Variants in EPB41L4A observed in about 807,000 individuals in gnomAD.
EPB41L4A encodes the protein band 4.1-like protein 4A.
A neutral mutation model predicts 108.6 loss-of-function variants in EPB41L4A; 100 were observed. That is an observed-to-expected ratio of 0.92 (90% CI 0.78 to 1.09). EPB41L4A has a LOEUF of 1.09. EPB41L4A is among the 50% of genes least tolerant of loss of function. EPB41L4A has a pLI of 0.00. For synonymous variants in EPB41L4A, 319 were observed against 289.0 expected (o/e 1.10, Z -1.05); for missense variants, 1,030 against 842.7 (o/e 1.22, Z -2.75).
chr5:112,203,760 G>A (rs919782181), intron 15 of EPB41L4A, among the ~76,000 whole-genome samples: 5 of 150,754 alleles, frequency 3.3e-5, no homozygotes, highest in African/African-American at 7.3e-5. Flanking sequence ...ATACTATCTC[G>A]TCTGGGCGCA....
At chr5:112,161,541 G>A (rs1271979698), downstream of EPB41L4A, 1 of 519,232 alleles carries the variant, frequency 1.9e-6, no homozygotes. Flanking sequence ...CAAAAAAGGC[G>A]TAAATTAAAC....
chr5:112,352,980 T>A (rs1336384554), intron 1 of EPB41L4A, among the ~76,000 whole-genome samples: 1 of 152,158 alleles, frequency 6.6e-6, no homozygotes, highest in Non-Finnish European at 1.5e-5. Flanking sequence ...TAGGGAAGGC[T>A]TTTTTCCTAC....
chr5:112,399,593 C>CAT (rs1373962987), intron 1 of EPB41L4A, among the ~76,000 whole-genome samples: 1 of 152,226 alleles, frequency 6.6e-6, no homozygotes, highest in African/African-American at 2.4e-5. Flanking sequence ...CATCACCACA[C>CAT]ATAACACTTT....
At chr5:112,387,258 G>A (rs773225816) in intron 1 of EPB41L4A, among the ~76,000 whole-genome samples, 14 of 152,130 alleles carry the variant, frequency 9.2e-5, no homozygotes, top group African/African-American at 2.4e-4. Flanking sequence ...CTGCCCTCCC[G>A]GACCCTGTGC....
At chr5:112,391,603 G>C (rs918906955) in intron 1 of EPB41L4A, among the ~76,000 whole-genome samples, 2 of 152,198 alleles carry the variant, frequency 1.3e-5, no homozygotes, top group African/African-American at 2.4e-5. Flanking sequence ...ATCTACGTCT[G>C]ATTGGTATAC....
At chr5:112,290,477 A>G (rs1753574551) in intron 2 of EPB41L4A, among the ~76,000 whole-genome samples, 1 of 152,210 alleles carries the variant, frequency 6.6e-6, no homozygotes, top group Non-Finnish European at 1.5e-5. Context: ...ACATGGTTTT[A>G]GGGATCACAG....
At position 112,386,816 on chromosome 5, in the gene EPB41L4A, G is replaced by A. The variant is rs531970367; in HGVS notation, c.99+32125C>T. Among the ~76,000 whole-genome samples the A allele has an allele frequency of 5.9e-5, 9 of 152,280 alleles. No individual in the cohort carries two copies. The South Asian group carries it at 8.3e-4, about 14-fold the overall frequency. On this transcript the variant is annotated intron_variant, in intron 1 of 22. Transcript: ENST00000261486. ...GACTGAATAGATGGAAAGGCACAAC[G>A]GGAATAGAAAGTGATTCTCCAGCAA...
chr5:112,369,579 T>C (rs754839122), intron 1 of EPB41L4A, among the ~76,000 whole-genome samples: 8 of 152,228 alleles, frequency 5.3e-5, no homozygotes, highest in Non-Finnish European at 1.2e-4. Context: ...CCATGCACTA[T>C]GCTGGTTATT....
At chr5:112,350,097 G>A (rs143829099) in intron 1 of EPB41L4A, among the ~76,000 whole-genome samples, 4 of 152,124 alleles carry the variant, frequency 2.6e-5, no homozygotes, top group African/African-American at 9.7e-5. Flanking sequence ...TGTCTACAGA[G>A]TACTTGAAAA....
intron 22 of EPB41L4A, 113 bp from the exon 23 acceptor site, chr5:112,165,231 A>C: frequency 1.3e-6 from 1 of 754,262 alleles, no homozygotes; most frequent in Admixed American, 2.6e-5. Context: ...AGTTAATTCA[A>C]AAGTTTCATA....
intron 1 of EPB41L4A, among the ~76,000 whole-genome samples, chr5:112,396,508 A>G (rs1761360017): frequency 6.6e-6 from 1 of 152,234 alleles, no homozygotes; most frequent in South Asian, 2.1e-4. Context: ...ACAGCATCCA[A>G]GAGTCAGAAC....
intron 12 of EPB41L4A, among the ~76,000 whole-genome samples, chr5:112,217,529 C>T (rs181312578): frequency 2.3e-3 from 347 of 152,132 alleles, no homozygotes; most frequent in African/African-American, 8.2e-3. Flanking sequence ...TGAGACCTAT[C>T]TCTACAAAAA....
downstream of EPB41L4A, chr5:112,162,389 G>T (rs1178304316): frequency 6.6e-6 from 1 of 152,124 alleles, no homozygotes; most frequent in African/African-American, 2.4e-5. Context: ...GTTCTTTTTT[G>T]ATCAGTATTC....
intron 12 of EPB41L4A, among the ~76,000 whole-genome samples, chr5:112,220,490 T>C (rs977248014): frequency 1.3e-5 from 2 of 152,138 alleles, no homozygotes; most frequent in Non-Finnish European, 2.9e-5. Context: ...GAAGGTCCAT[T>C]GCAAAAGGGC....
At chr5:112,269,860 G>A (rs926160600) in intron 4 of EPB41L4A, among the ~76,000 whole-genome samples, 3 of 152,120 alleles carry the variant, frequency 2.0e-5, no homozygotes, top group Admixed American at 6.5e-5. Context: ...CTAACAAACC[G>A]ATGTATATGC....
intron 9 of EPB41L4A, among the ~76,000 whole-genome samples, chr5:112,242,972 G>A (rs1003121258): frequency 6.6e-6 from 1 of 152,034 alleles, no homozygotes; most frequent in Non-Finnish European, 1.5e-5. Flanking sequence ...CCAGCACTTT[G>A]GGGAGCTGAG....
chr5:112,168,385 T>C (rs1288362134), intron 22 of EPB41L4A, among the ~76,000 whole-genome samples: 1 of 152,232 alleles, frequency 6.6e-6, no homozygotes, highest in East Asian at 1.9e-4. Flanking sequence ...AGTGAGTCTA[T>C]CACTTTCTCT....
chr5:112,224,204 C>T (rs994603448), intron 12 of EPB41L4A, among the ~76,000 whole-genome samples: 2 of 152,072 alleles, frequency 1.3e-5, no homozygotes, highest in African/African-American at 2.4e-5. Context: ...CCCACCTCAG[C>T]CTCCCAAAGT....
intron 1 of EPB41L4A, among the ~76,000 whole-genome samples, chr5:112,369,449 G>T (rs1759344563): frequency 2.0e-5 from 3 of 152,088 alleles, no homozygotes; most frequent in African/African-American, 7.2e-5. Context: ...CATTAATTGT[G>T]CATACAGCAT....
Sources: gnomAD v4.1 joint callset for allele counts (sites outside exome capture counted in the v4.1 genomes callset) on GRCh38, gnomAD v4.1.1 for gene constraint, MANE v1.5 for transcripts, NCBI Gene and HGNC (gene_info 2026-07-23, HGNC 2026-07-21) for gene names.